Variants in PTPRA observed in about 807,000 individuals in gnomAD.
PTPRA encodes the protein receptor-type tyrosine-protein phosphatase alpha.
PTPRA carries 25 observed loss-of-function variants against 104.8 expected under a neutral mutation model. That is an observed-to-expected ratio of 0.24 (90% CI 0.17 to 0.33). PTPRA has a LOEUF of 0.33. PTPRA is among the 10% of genes least tolerant of loss of function. PTPRA has a pLI of 1.00. For synonymous variants in PTPRA, 323 were observed against 368.9 expected, an observed-to-expected ratio of 0.88 and a Z score of 1.43; for missense variants, 765 against 1,015.3, an observed-to-expected ratio of 0.75 and a Z score of 3.35.
chr20:2,945,788 A>T (rs974550156), intron 2 of PTPRA, among the ~76,000 whole-genome samples: 1 of 151,544 alleles, frequency 6.6e-6, no homozygotes, highest in Non-Finnish European at 1.5e-5. Context: ...AATTAGCCAG[A>T]CGTGGTGGCA....
chr20:2,953,527 A>C (rs1487849344), intron 3 of PTPRA, among the ~76,000 whole-genome samples: 1 of 152,038 alleles, frequency 6.6e-6, no homozygotes, highest in South Asian at 2.1e-4. Flanking sequence ...TGCTGGGATT[A>C]CAGGCGTGAG....
intron 3 of PTPRA, among the ~76,000 whole-genome samples, chr20:2,953,376 T>C (rs1279345963): frequency 1.3e-5 from 2 of 151,982 alleles, no homozygotes; most frequent in South Asian, 4.1e-4. Context: ...TGCCTCAGCC[T>C]CCGAGTAGCT....
chr20:2,884,079 CT>C, intron 1 of PTPRA, among the ~76,000 whole-genome samples: 1 of 152,192 alleles, frequency 6.6e-6, no homozygotes, highest in Non-Finnish European at 1.5e-5. Flanking sequence ...TACTTCATTC[CT>C]TCTTATGGCT....
rs763893722 is a variant in PTPRA at position 3,035,649 on chromosome 20, TGAA to T, written c.1990_1992del (p.Lys664del). On this transcript the variant is annotated inframe_deletion, in exon 21 of 24. Coordinates refer to ENST00000399903, the MANE Select transcript of PTPRA (RefSeq NM_001385305.1). The surrounding 1 kb of genome is among the most constrained non-coding windows in gnomAD (Gnocchi z 5.8). Reference sequence around the variant, plus strand: ...TCCTATGGAGATATTACAGTGGAACTGAAGAAGGAGGAGGAATGTGAGAGCTAC... The same window carrying T: ...TCCTATGGAGATATTACAGTGGAACTGAAGGAGGAGGAATGTGAGAGCTAC... The T allele has an allele frequency of 7.4e-6, 12 of 1,613,958 alleles. No homozygotes were observed. Among genetic ancestry groups the T allele is most frequent in the Admixed American group, 1.7e-5 (1 of 60,004 alleles).
intron 2 of PTPRA, among the ~76,000 whole-genome samples, chr20:2,939,705 G>C (rs569567985): frequency 2.0e-5 from 3 of 152,304 alleles, no homozygotes; most frequent in African/African-American, 7.2e-5. Context: ...TTCCTGTTGG[G>C]TCAGTCCTCA....
intron 20 of PTPRA, among the ~76,000 whole-genome samples, chr20:3,033,437 C>T (rs2065622044): frequency 1.3e-5 from 2 of 152,004 alleles, no homozygotes; most frequent in Non-Finnish European, 2.9e-5. Flanking sequence ...AACAAGCCCT[C>T]GTCTCTCACT....
intron 9 of PTPRA, among the ~76,000 whole-genome samples, chr20:2,989,974 G>GCA (rs2063098436): frequency 6.6e-6 from 1 of 152,210 alleles, no homozygotes; most frequent in South Asian, 2.1e-4. Context: ...CCGAGATCAT[G>GCA]CTACTGCACT....
At chr20:2,979,291 G>C (rs2062572237) in intron 6 of PTPRA, among the ~76,000 whole-genome samples, 1 of 152,086 alleles carries the variant, frequency 6.6e-6, no homozygotes, top group East Asian at 1.9e-4. Context: ...ATTTCTTTTG[G>C]CCTGATAACT....
Position 2,939,759 on chromosome 20 carries a change from T to C in PTPRA, c.-49-8223T>C, listed in dbSNP as rs976945467. ...CAATCTACCTTCTTTTTTCTACTTT[T>C]CAGAATTTTTCTGTCACTTGTGTCA... On this transcript the variant is annotated intron_variant, in intron 2 of 23. Coordinates refer to ENST00000399903, the MANE Select transcript of PTPRA (RefSeq NM_001385305.1). 5.9e-5 allele frequency among the ~76,000 whole-genome samples: 9 copies of C among 152,294 alleles called. No homozygotes were observed. In the East Asian group the frequency reaches 1.5e-3, roughly 26 times the overall value.
rs1357362303 is a variant in PTPRA, at chr20:2,957,926, TAC to T, written c.-6-6344_-6-6343del. Among the ~76,000 whole-genome samples the T allele has an allele frequency of 9.9e-5, 15 of 152,028 alleles. No homozygotes were observed. In the East Asian group the frequency reaches 2.7e-3, roughly 27 times the overall value. On this transcript the variant is annotated intron_variant, in intron 3 of 23. Transcript: ENST00000399903. ...AAGCGGAAATAGTGATTTGTAGTGA[TAC>T]AACCCTTATGAGTTATTTGATTTTT... is the stretch of plus-strand genomic sequence containing the variant.
intron 9 of PTPRA, among the ~76,000 whole-genome samples, chr20:2,993,065 CAG>C (rs2063251956): frequency 6.6e-6 from 1 of 152,138 alleles, no homozygotes; most frequent in African/African-American, 2.4e-5. Flanking sequence ...GCCTGTGTGA[CAG>C]AGCAAGATCT....
At chr20:2,981,001 C>A (rs2062651091) in intron 6 of PTPRA, among the ~76,000 whole-genome samples, 1 of 151,966 alleles carries the variant, frequency 6.6e-6, no homozygotes, top group Non-Finnish European at 1.5e-5. Context: ...TTTTTCCTTT[C>A]CTCTCTTGTG....
intron 7 of PTPRA, among the ~76,000 whole-genome samples, chr20:2,987,109 A>G (rs2062942233): frequency 6.6e-6 from 1 of 152,154 alleles, no homozygotes; most frequent in South Asian, 2.1e-4. Context: ...GCTAAAGCCC[A>G]GAATGGTAGT....
At chr20:2,890,107 G>T (rs1218420918) in intron 1 of PTPRA, among the ~76,000 whole-genome samples, 1 of 149,980 alleles carries the variant, frequency 6.7e-6, no homozygotes, top group Non-Finnish European at 1.5e-5. Flanking sequence ...TATGAGCCTA[G>T]GATGATCTCA....
intron 11 of PTPRA, among the ~76,000 whole-genome samples, chr20:3,014,784 C>T (rs562316809): frequency 1.8e-4 from 28 of 152,326 alleles, no homozygotes; most frequent in Admixed American, 7.8e-4. Flanking sequence ...CCTTGTTACT[C>T]ACCTTATTGC....
At chr20:3,020,338 T>G (rs1600266795) in intron 13 of PTPRA, among the ~76,000 whole-genome samples, 1 of 152,134 alleles carries the variant, frequency 6.6e-6, no homozygotes, top group South Asian at 2.1e-4. Flanking sequence ...GACCTCGTGA[T>G]CCACCCACCT....
At chr20:2,973,275 T>A (rs2062269951) in intron 5 of PTPRA, among the ~76,000 whole-genome samples, 1 of 152,170 alleles carries the variant, frequency 6.6e-6, no homozygotes, top group Non-Finnish European at 1.5e-5. Context: ...CTACCTTCTT[T>A]AGATTTATTT....
rs777051877 is a variant in PTPRA at position 2,951,092 on chromosome 20, GTTTC to G, written c.-7+3084_-7+3087del. On this transcript the variant is annotated intron_variant, in intron 3 of 23. Transcript: ENST00000399903. ...TAACCATGTGTTTGTTTGTTTGTTT[GTTTC>G]TTTCTTTCTTTCTTTTTTTTTTAGA... Among the ~76,000 whole-genome samples, 405 of 151,486 alleles carry G rather than the reference GTTTC, an allele frequency of 2.7e-3. 5 individuals are homozygous for G. The highest frequency in any genetic ancestry group is 0.024 in the East Asian group (122 of 5,160).
In PTPRA at chr20:3,022,724, T is replaced by C. The variant is rs146206568; in HGVS notation, c.1364T>C (p.Ile455Thr). ...GGGCGTACAGGTACCTTTGTCGTCA[T>C]TGATGCCATGCTGGACATGATGCAT... Reference protein sequence around the residue: ...GVGRTGTFVVIDAMLDMMHTE... With the variant: ...GVGRTGTFVVTDAMLDMMHTE... The change falls in exon 16 of 24, where the codon ATT becomes ACT. Residue 455 changes from isoleucine to threonine, a missense_variant. Coordinates refer to ENST00000399903, the MANE Select transcript of PTPRA (RefSeq NM_001385305.1). The surrounding 1 kb of genome is among the most constrained non-coding windows in gnomAD (Gnocchi z 4.6). 1.5e-5 allele frequency: 24 copies of C among 1,614,178 alleles called. No homozygotes were observed. Among genetic ancestry groups the C allele is most frequent in the Non-Finnish European group, 1.7e-5 (20 of 1,180,034 alleles).
Sources: allele counts gnomAD v4.1 joint callset (sites outside exome capture counted in the v4.1 genomes callset), GRCh38; gene constraint gnomAD v4.1.1; non-coding constraint Gnocchi (gnomAD v3.1); transcripts MANE v1.5; gene names NCBI Gene and HGNC (gene_info 2026-07-23, HGNC 2026-07-21).